Variants in PTPN13 observed in about 807,000 individuals in gnomAD.
PTPN13 encodes protein tyrosine phosphatase non-receptor type 13.
A neutral mutation model predicts 284.0 loss-of-function variants in PTPN13; 191 were observed. The ratio of observed to expected loss-of-function variants is 0.67; its 90% confidence interval spans 0.60 to 0.76. The LOEUF is 0.76. Among genes scored for constraint, PTPN13 ranks in the 30% least tolerant of loss-of-function variants. The pLI, the probability that PTPN13 is intolerant of heterozygous loss-of-function variation, is 0.00. For synonymous variants in PTPN13, 986 were observed against 1,022.3 expected (o/e 0.96, Z 0.68); for missense variants, 2,797 against 2,939.9 (o/e 0.95, Z 1.12).
intron 40 of PTPN13, 147 bp downstream of exon 40, chr4:86,786,083 A>G: frequency 2.4e-6 from 1 of 422,710 alleles, no homozygotes; most frequent in Admixed American, 4.3e-5. Flanking sequence ...CATGTGTTAC[A>G]TTAAAGTGTC....
At chr4:86,599,089 C>T (rs1764075696) in intron 1 of PTPN13, among the ~76,000 whole-genome samples, 2 of 152,050 alleles carry the variant, frequency 1.3e-5, no homozygotes, top group South Asian at 2.1e-4. Flanking sequence ...CTCCATGCCC[C>T]GGCCTCAACT....
chr4:86,683,519 A>T (rs539857214), intron 3 of PTPN13, among the ~76,000 whole-genome samples: 1 of 152,160 alleles, frequency 6.6e-6, no homozygotes, highest in Non-Finnish European at 1.5e-5. Flanking sequence ...GGGCCCACCC[A>T]TGATAGGGAG....
chr4:86,769,285 G>A (rs1739705715), intron 28 of PTPN13, among the ~76,000 whole-genome samples: 1 of 151,722 alleles, frequency 6.6e-6, no homozygotes, highest in Admixed American at 6.6e-5. Context: ...TCCCATACCT[G>A]TCCTTCTGTG....
rs149516772 is a variant in PTPN13, at chr4:86,625,947, G to A, written c.-5-9305G>A. 3.1e-4 allele frequency among the ~76,000 whole-genome samples: 47 copies of A among 152,214 alleles called. 1 individual carries two copies. The highest frequency in any genetic ancestry group is 1.1e-3 in the African/African-American group (45 of 41,544). ...AGACATTTTAAGTCTATGTAATTTA[G>A]GAAGATCAGCAGTATCCTAAAGCAA... On this transcript the variant is annotated intron_variant, in intron 1 of 47. Coordinates refer to ENST00000411767, the MANE Select transcript of PTPN13 (RefSeq NM_080683.3).
chr4:86,714,137 C>T (rs979712692), intron 7 of PTPN13, among the ~76,000 whole-genome samples: 2 of 151,556 alleles, frequency 1.3e-5, no homozygotes, highest in Non-Finnish European at 2.9e-5. Flanking sequence ...TCTAGCCTAC[C>T]CTACATCTTC....
intron 47 of PTPN13, among the ~76,000 whole-genome samples, chr4:86,813,506 G>A (rs951435158): frequency 1.1e-4 from 16 of 151,974 alleles, no homozygotes; most frequent in African/African-American, 2.2e-4. Context: ...AGCACAGTCC[G>A]TGATCTCTGC....
At chr4:86,813,173 G>A (rs892565829) in intron 47 of PTPN13, among the ~76,000 whole-genome samples, 3 of 152,130 alleles carry the variant, frequency 2.0e-5, no homozygotes, top group African/African-American at 7.2e-5. Flanking sequence ...CTAAACACAT[G>A]TGCACACTCC....
intron 2 of PTPN13, among the ~76,000 whole-genome samples, chr4:86,637,182 A>C (rs1182933677): frequency 6.6e-6 from 1 of 152,104 alleles, no homozygotes; most frequent in Non-Finnish European, 1.5e-5. Flanking sequence ...TTGTGGCAAT[A>C]ATCAGTAGCT....
In PTPN13 at chr4:86,765,493, A is replaced by G. The variant is rs1170382333; in HGVS notation, c.4243+5A>G. ...CTGATGGTAGAATTCACAAAGGTATAGTGTTTATATTATGTGGGAATTATA... is the reference window on the plus strand; with the variant it reads ...CTGATGGTAGAATTCACAAAGGTATGGTGTTTATATTATGTGGGAATTATA... On this transcript the variant is annotated splice_donor_5th_base_variant and intron_variant, in intron 26 of 47. Transcript: ENST00000411767. 13 of 1,560,640 alleles carry G rather than the reference A, an allele frequency of 8.3e-6. No homozygotes were observed. Among genetic ancestry groups the G allele is most frequent in the Non-Finnish European group, 1.1e-5 (13 of 1,148,102 alleles).
chr4:86,759,379 C>T (rs758774669), intron 23 of PTPN13, among the ~76,000 whole-genome samples: 1 of 152,158 alleles, frequency 6.6e-6, no homozygotes, highest in Non-Finnish European at 1.5e-5. Flanking sequence ...TCTCATTATC[C>T]CAGTCTTCAG....
In PTPN13 at chr4:86,686,691, T is replaced by C. The variant is rs1289642222; in HGVS notation, c.295-19T>C. The C allele has an allele frequency of 6.8e-6, 10 of 1,468,430 alleles. No homozygotes were observed. Among genetic ancestry groups the C allele is most frequent in the Non-Finnish European group, 9.3e-6 (10 of 1,078,600 alleles). 91.0% of individuals were successfully genotyped at this position (1,468,430 alleles called of 1,614,324 possible). ...TTGTATTTTATCATAAAATTATTTCTTAAAAATTCTATTCCTAGATCCACA... is the reference window on the plus strand; with the variant it reads ...TTGTATTTTATCATAAAATTATTTCCTAAAAATTCTATTCCTAGATCCACA... On this transcript the variant is annotated intron_variant, in intron 3 of 47. Coordinates refer to ENST00000411767, the MANE Select transcript of PTPN13 (RefSeq NM_080683.3).
intron 2 of PTPN13, among the ~76,000 whole-genome samples, chr4:86,667,466 A>G (rs1397511173): frequency 6.6e-6 from 1 of 152,184 alleles, no homozygotes; most frequent in Non-Finnish European, 1.5e-5. Context: ...TTTGTAATCA[A>G]CTTCTAGCAT....
chr4:86,622,868 G>A (rs1336000327), intron 1 of PTPN13, among the ~76,000 whole-genome samples: 1 of 152,110 alleles, frequency 6.6e-6, no homozygotes, highest in African/African-American at 2.4e-5. Flanking sequence ...TCACTTGAAT[G>A]TCTAATCAGC....
At chr4:86,679,167 C>T (rs1728615956) in intron 3 of PTPN13, among the ~76,000 whole-genome samples, 1 of 152,206 alleles carries the variant, frequency 6.6e-6, no homozygotes, top group Non-Finnish European at 1.5e-5. Flanking sequence ...AACCTTTGTG[C>T]ATTCTCTTCT....
At chr4:86,796,822 G>T (rs370921794) in intron 40 of PTPN13, 52 bp from the exon 41 acceptor site, 10 of 1,184,086 alleles carry the variant, frequency 8.4e-6, no homozygotes, top group South Asian at 2.9e-5. Context: ...AATAGTATGC[G>T]ATTTTTTTTG....
intron 5 of PTPN13, among the ~76,000 whole-genome samples, 158 bp downstream of exon 5, chr4:86,689,348 C>A (rs1360847872): frequency 1.3e-5 from 2 of 151,936 alleles, no homozygotes; most frequent in African/African-American, 4.8e-5. Flanking sequence ...TTATTTGAAA[C>A]AATACTTAAA....
chr4:86,664,367 A>G (rs1396369875), intron 2 of PTPN13, among the ~76,000 whole-genome samples: 4 of 152,138 alleles, frequency 2.6e-5, no homozygotes, highest in Non-Finnish European at 5.9e-5. Context: ...GTTGAAAGAA[A>G]ACTTTGCTTT....
chr4:86,723,982 C>T (rs749413093), intron 10 of PTPN13, among the ~76,000 whole-genome samples: 1 of 152,100 alleles, frequency 6.6e-6, no homozygotes, highest in African/African-American at 2.4e-5. Flanking sequence ...ATTTCCTTCA[C>T]AGTATTCTAA....
chr4:86,638,491 A>G (rs1723334539), intron 2 of PTPN13, among the ~76,000 whole-genome samples: 1 of 152,188 alleles, frequency 6.6e-6, no homozygotes, highest in Non-Finnish European at 1.5e-5. Flanking sequence ...ATATAGATGA[A>G]TGGAACTGAA....
Sources: gnomAD v4.1 joint callset for allele counts (sites outside exome capture counted in the v4.1 genomes callset) on GRCh38, gnomAD v4.1.1 for gene constraint, MANE v1.5 for transcripts, NCBI Gene and HGNC (gene_info 2026-07-23, HGNC 2026-07-21) for gene names.